The following MACROD1 variants were observed in gnomAD, a reference collection of about 807,000 sequenced individuals.
The protein encoded by MACROD1 is ADP-ribose glycohydrolase MACROD1.
A neutral mutation model predicts 41.4 loss-of-function variants in MACROD1; 31 were observed. That is an observed-to-expected ratio of 0.75 (90% CI 0.56 to 1.01). The LOEUF is 1.01. Among genes scored for constraint, MACROD1 ranks in the 50% least tolerant of loss-of-function variants. The pLI is 0.00. For missense variants in MACROD1, 473 were observed against 460.0 expected, an observed-to-expected ratio of 1.03 and a Z score of -0.26; for synonymous variants, 252 against 203.4, an observed-to-expected ratio of 1.24 and a Z score of -2.03.
chr11:64,070,274 C>T (rs947287415), intron 3 of MACROD1, among the ~76,000 whole-genome samples: 2 of 152,130 alleles, frequency 1.3e-5, no homozygotes, highest in African/African-American at 4.8e-5. Flanking sequence ...GCTGCCAGTC[C>T]TCAGCCCAGC....
intron 3 of MACROD1, among the ~76,000 whole-genome samples, chr11:64,053,829 G>A (rs547688244): frequency 6.6e-6 from 1 of 152,308 alleles, no homozygotes; most frequent in East Asian, 1.9e-4. Flanking sequence ...CAGATGGGGA[G>A]GGGAGTGCTC....
chr11:64,028,730 G>T (rs1043167256), intron 3 of MACROD1, among the ~76,000 whole-genome samples: 1 of 151,764 alleles, frequency 6.6e-6, no homozygotes, highest in Non-Finnish European at 1.5e-5. Context: ...CCTCAGCGGC[G>T]CTGGTGCTCC....
At chr11:64,102,963 T>C (rs1944696053) in intron 3 of MACROD1, among the ~76,000 whole-genome samples, 1 of 151,232 alleles carries the variant, frequency 6.6e-6, no homozygotes, top group Non-Finnish European at 1.5e-5. Flanking sequence ...CCTAGCTCCT[T>C]GGGAGGCTGA....
chr11:64,015,429 G>A (rs112472603), intron 3 of MACROD1, 148 bp from the exon 4 acceptor site: 9 of 641,478 alleles, frequency 1.4e-5, no homozygotes, highest in African/African-American at 3.7e-5. Context: ...CCTCCGGGGC[G>A]GTAGTAGACG....
At chr11:64,017,268 G>A (rs1943094645) in intron 3 of MACROD1, among the ~76,000 whole-genome samples, 1 of 152,154 alleles carries the variant, frequency 6.6e-6, no homozygotes, top group Admixed American at 6.5e-5. Flanking sequence ...ACCGCGCCTG[G>A]GCATGAATGT....
At position 64,097,360 on chromosome 11, in the gene MACROD1, G is replaced by A. The variant is rs527744450; in HGVS notation, c.517+53879C>T. ...CACCTCTGGCCAGAGCTGCCCACAT[G>A]TGAAGGGAAGGAAGGAAGAAAATAA... On this transcript the variant is annotated intron_variant, in intron 3 of 10. Coordinates refer to ENST00000255681, the MANE Select transcript of MACROD1 (RefSeq NM_014067.4). Among the ~76,000 whole-genome samples the A allele has an allele frequency of 2.6e-5, 4 of 152,376 alleles. No homozygotes were observed. The East Asian group carries it at 7.7e-4, about 29-fold the overall frequency.
intron 3 of MACROD1, among the ~76,000 whole-genome samples, chr11:64,097,141 A>G (rs1300356252): frequency 1.3e-5 from 2 of 152,338 alleles, no homozygotes; most frequent in African/African-American, 4.8e-5. Flanking sequence ...TGAGGACGGC[A>G]GCTTCAGCTA....
chr11:64,165,702 G>C lies in MACROD1; in HGVS notation c.293C>G (p.Ala98Gly). The C allele has an allele frequency of 1.4e-6, 2 of 1,448,958 alleles. No homozygotes were observed. Among genetic ancestry groups the C allele is most frequent in the Non-Finnish European group, 1.8e-6 (2 of 1,097,752 alleles). 89.8% of individuals were successfully genotyped at this position (1,448,958 alleles called of 1,614,324 possible). Residue 98 changes from alanine to glycine, a missense_variant, in exon 1 of 11, where the codon GCG (alanine) becomes GGG (glycine). Physicochemically the swap from Ala to Gly is moderately conservative, Grantham distance 60 (BLOSUM62 0). Transcript: ENST00000255681. Reference protein sequence around the residue: ...DLSTSTDWKEAKSFLKGLSDK... With the variant: ...DLSTSTDWKEGKSFLKGLSDK... ...CCCCTCGTGCTTACACTTACATTTCGCCTCCTTCCAGTCGGTGGAGGTGCT... is the reference window on the plus strand; with the variant it reads ...CCCCTCGTGCTTACACTTACATTTCCCCTCCTTCCAGTCGGTGGAGGTGCT...
rs1943088474 is a variant in MACROD1, at chr11:64,016,836, A to G, written c.518-1555T>C. On this transcript the variant is annotated intron_variant, in intron 3 of 10. Coordinates refer to ENST00000255681, the MANE Select transcript of MACROD1 (RefSeq NM_014067.4). ...CAGTGGGAGCATGAGCCGAAGCCGG[A>G]GCTGGAGCTGGAGGGAGAGCAGGAC... Among the ~76,000 whole-genome samples, 3 of 152,262 alleles carry G rather than the reference A, an allele frequency of 2.0e-5. No individual in the cohort carries two copies. The South Asian group carries it at 6.2e-4, about 32-fold the overall frequency.
intron 3 of MACROD1, among the ~76,000 whole-genome samples, chr11:64,101,490 G>A (rs1045012578): frequency 3.9e-5 from 6 of 152,132 alleles, no homozygotes; most frequent in Non-Finnish European, 7.4e-5. Context: ...CCCAGGACAC[G>A]GCAATCATCC....
chr11:64,128,013 C>A (rs1349024485), intron 3 of MACROD1, among the ~76,000 whole-genome samples: 1 of 152,212 alleles, frequency 6.6e-6, no homozygotes, highest in Non-Finnish European at 1.5e-5. Flanking sequence ...ATACAGTTAA[C>A]GGGTTTTTCC....
chr11:64,138,649 G>A (rs1321625685), intron 3 of MACROD1: 1 of 631,042 alleles, frequency 1.6e-6, no homozygotes, highest in East Asian at 1.4e-4. Flanking sequence ...GCTCGGCTCT[G>A]GTTTTTACCG....
At chr11:64,077,212 T>C (rs1944218335) in intron 3 of MACROD1, among the ~76,000 whole-genome samples, 1 of 152,158 alleles carries the variant, frequency 6.6e-6, no homozygotes, top group Admixed American at 6.5e-5. Flanking sequence ...CAGGAGGAGC[T>C]ACCTGGAAAG....
intron 3 of MACROD1, among the ~76,000 whole-genome samples, chr11:64,098,633 C>A (rs1249616525): frequency 6.6e-6 from 1 of 152,174 alleles, no homozygotes; most frequent in Non-Finnish European, 1.5e-5. Context: ...TCACAAAGAG[C>A]CTTTTCATCT....
In MACROD1 at chr11:64,150,527, C is replaced by T. The variant is rs140431889; in HGVS notation, c.517+712G>A. On this transcript the variant is annotated intron_variant, in intron 3 of 10. Coordinates refer to ENST00000255681, the MANE Select transcript of MACROD1 (RefSeq NM_014067.4). ...GTAAGCAAAGGAGCAAGCGAGCAGGCGGGCGAGGGCCGGGGTTCAGCCGCC... is the reference window on the plus strand; with the variant it reads ...GTAAGCAAAGGAGCAAGCGAGCAGGTGGGCGAGGGCCGGGGTTCAGCCGCC... 5.0e-4 allele frequency among the ~76,000 whole-genome samples: 76 copies of T among 152,330 alleles called. No individual in the cohort carries two copies. The East Asian group carries it at 8.5e-3, about 17-fold the overall frequency.
intron 3 of MACROD1, chr11:64,116,186 C>G: frequency 6.6e-7 from 1 of 1,512,140 alleles, no homozygotes; most frequent in Non-Finnish European, 8.8e-7. Context: ...TCGCCGCCTC[C>G]CTCTCACTGC....
chr11:64,092,841 C>T (rs780359192), intron 3 of MACROD1, among the ~76,000 whole-genome samples: 14 of 152,248 alleles, frequency 9.2e-5, no homozygotes, highest in Non-Finnish European at 1.9e-4. Flanking sequence ...GGGAGGTTAA[C>T]ACGTGTCACC....
intron 2 of MACROD1, 58 bp from the exon 3 acceptor site, chr11:64,151,413 A>C (rs1565261496): frequency 7.4e-7 from 1 of 1,351,554 alleles, no homozygotes; most frequent in African/African-American, 1.4e-5. Context: ...AGAGGGACCC[A>C]GCCAGGGCCC....
intron 3 of MACROD1, among the ~76,000 whole-genome samples, chr11:64,020,075 A>G (rs1227625078): frequency 6.6e-6 from 1 of 152,240 alleles, no homozygotes; most frequent in African/African-American, 2.4e-5. Context: ...TTAAAATCAG[A>G]AGAAAACAAT....
Sources: gnomAD v4.1 joint callset for allele counts (sites outside exome capture counted in the v4.1 genomes callset) on GRCh38, gnomAD v4.1.1 for gene constraint, MANE v1.5 for transcripts, NCBI Gene and HGNC (gene_info 2026-07-23, HGNC 2026-07-21) for gene names.